ATAD1: variants seen among roughly 807,000 people sequenced by gnomAD.
ATAD1 encodes the protein outer mitochondrial transmembrane helix translocase.
ATAD1 carries 18 observed loss-of-function variants against 42.7 expected under a neutral mutation model. The ratio of observed to expected loss-of-function variants is 0.42; its 90% confidence interval spans 0.29 to 0.63. The LOEUF is 0.63. ATAD1 is among the 20% of genes least tolerant of loss of function. The pLI, the probability that ATAD1 is intolerant of heterozygous loss-of-function variation, is 0.19. For missense variants in ATAD1, 294 were observed against 440.4 expected (o/e 0.67, Z 2.98); for synonymous variants, 132 against 143.1 (o/e 0.92, Z 0.55).
At chr10:87,818,141 A>G in intron 1 of ATAD1, 26 bp downstream of exon 1, 8 of 985,618 alleles carry the variant, frequency 8.1e-6, no homozygotes, top group Non-Finnish European at 8.4e-6. Context: ...CCATCCCATG[A>G]GGCCCCACGG....
At chr10:87,834,934 G>A (rs1857904273) in intron 1 of ATAD1, among the ~76,000 whole-genome samples, 1 of 151,894 alleles carries the variant, frequency 6.6e-6, no homozygotes, top group African/African-American at 2.4e-5. Context: ...TGCTTTAGCT[G>A]AATCCTATTC....
chr10:87,830,514 C>T (rs1281141051), intron 1 of ATAD1, among the ~76,000 whole-genome samples: 4 of 152,146 alleles, frequency 2.6e-5, no homozygotes, highest in Non-Finnish European at 5.9e-5. Flanking sequence ...TTTTTCCCCC[C>T]TGTCTTATGG....
intron 8 of ATAD1, 88 bp from the exon 9 acceptor site, chr10:87,757,010 G>T: frequency 8.5e-7 from 1 of 1,172,980 alleles, no homozygotes; most frequent in South Asian, 2.2e-5. Flanking sequence ...AGAAAGTTAA[G>T]CATATTATAA....
At chr10:87,782,034 C>G (rs1855588049) in intron 5 of ATAD1, among the ~76,000 whole-genome samples, 1 of 151,934 alleles carries the variant, frequency 6.6e-6, no homozygotes, top group Non-Finnish European at 1.5e-5. Flanking sequence ...GAAAGTCACA[C>G]ATCCTCAGAT....
At chr10:87,828,968 C>T (rs1857778066) in intron 1 of ATAD1, among the ~76,000 whole-genome samples, 1 of 152,146 alleles carries the variant, frequency 6.6e-6, no homozygotes. Flanking sequence ...ATAAATGATT[C>T]ATTTCAAGAT....
intron 1 of ATAD1, among the ~76,000 whole-genome samples, chr10:87,833,718 CTTTCTTTCCTTTTT>C (rs1857877567): frequency 8.2e-6 from 1 of 121,498 alleles, no homozygotes; most frequent in Non-Finnish European, 1.7e-5. Context: ...CTCTCTCTTT[CTTTCTTTCCTTTTT>C]TTTTTTTTTT....
intron 1 of ATAD1, among the ~76,000 whole-genome samples, chr10:87,826,348 A>T (rs540820372): frequency 3.9e-5 from 6 of 152,328 alleles, no homozygotes; most frequent in Non-Finnish European, 8.8e-5. Context: ...AATATCAGCA[A>T]TTCTGAAACC....
At chr10:87,828,264 A>G (rs750408769) in intron 1 of ATAD1, among the ~76,000 whole-genome samples, 3 of 152,184 alleles carry the variant, frequency 2.0e-5, no homozygotes, top group African/African-American at 4.8e-5. Flanking sequence ...TGTCTGGCCT[A>G]GAAAAGTTCT....
intron 1 of ATAD1, among the ~76,000 whole-genome samples, chr10:87,834,577 G>A (rs1053505141): frequency 1.3e-5 from 2 of 152,084 alleles, no homozygotes; most frequent in African/African-American, 4.8e-5. Flanking sequence ...TGAGTTGTTC[G>A]TAGTATTTCC....
intron 9 of ATAD1, 66 bp from the exon 10 acceptor site, chr10:87,754,873 A>T: frequency 6.5e-7 from 1 of 1,547,498 alleles, no homozygotes; most frequent in Non-Finnish European, 8.7e-7. Context: ...AAAATATTTT[A>T]CCAAGATTTA....
chr10:87,774,741 A>C (rs1855209565), intron 6 of ATAD1, among the ~76,000 whole-genome samples: 1 of 151,906 alleles, frequency 6.6e-6, no homozygotes, highest in African/African-American at 2.4e-5. Flanking sequence ...GCTTGAGCTC[A>C]GGAGTTCAAG....
intron 7 of ATAD1, among the ~76,000 whole-genome samples, chr10:87,769,789 T>A (rs1854944013): frequency 6.6e-6 from 1 of 151,948 alleles, no homozygotes; most frequent in Non-Finnish European, 1.5e-5. Context: ...CTACTAATAA[T>A]ACAAAAATTA....
At chr10:87,839,154 G>C (rs993742112) in intron 1 of ATAD1, among the ~76,000 whole-genome samples, 2 of 152,092 alleles carry the variant, frequency 1.3e-5, no homozygotes, top group Non-Finnish European at 2.9e-5. Context: ...ATAATTTTGT[G>C]CCATGTAGTT....
chr10:87,836,315 G>C (rs1172886332), intron 1 of ATAD1, among the ~76,000 whole-genome samples: 2 of 152,040 alleles, frequency 1.3e-5, no homozygotes, highest in Non-Finnish European at 2.9e-5. Context: ...GTTACCTTAT[G>C]ATGTCATTTC....
intron 1 of ATAD1, among the ~76,000 whole-genome samples, chr10:87,815,613 T>C (rs941184003): frequency 6.6e-6 from 1 of 152,100 alleles, no homozygotes; most frequent in Middle Eastern, 3.2e-3. Context: ...TTAATATCCA[T>C]GGTCCTTCCA....
At chr10:87,769,888 A>C (rs1453052281) in intron 7 of ATAD1, among the ~76,000 whole-genome samples, 1 of 152,102 alleles carries the variant, frequency 6.6e-6, no homozygotes, top group Non-Finnish European at 1.5e-5. Flanking sequence ...GATTGCAGTG[A>C]GCCAAGATCG....
intron 1 of ATAD1, among the ~76,000 whole-genome samples, chr10:87,816,841 C>T (rs1857439105): frequency 6.6e-6 from 1 of 152,200 alleles, no homozygotes; most frequent in East Asian, 1.9e-4. Context: ...TTAACCTAAT[C>T]TGTGAAAAGC....
Position 87,775,243 on chromosome 10 carries a change from A to C in ATAD1, c.690+1078T>G, listed in dbSNP as rs571744609. ...CAAGACTAGCCTGGCCAACATAGTGAAACCCAGTCTCTACTAAAAATACAA... is the reference window on the plus strand; with the variant it reads ...CAAGACTAGCCTGGCCAACATAGTGCAACCCAGTCTCTACTAAAAATACAA... On this transcript the variant is annotated intron_variant, in intron 6 of 9. Coordinates refer to ENST00000680024, the MANE Select transcript of ATAD1 (RefSeq NM_001321967.2). Among the ~76,000 whole-genome samples the C allele has an allele frequency of 2.6e-5, 4 of 151,814 alleles. No individual in the cohort carries two copies. The East Asian group carries it at 7.8e-4, about 30-fold the overall frequency.
intron 1 of ATAD1, among the ~76,000 whole-genome samples, chr10:87,830,035 C>T (rs1857800225): frequency 6.6e-6 from 1 of 152,068 alleles, no homozygotes; most frequent in South Asian, 2.1e-4. Context: ...TGCCTCTACC[C>T]CCAACCCTCC....
Sources: allele counts gnomAD v4.1 joint callset (sites outside exome capture counted in the v4.1 genomes callset), GRCh38; gene constraint gnomAD v4.1.1; transcripts MANE v1.5; gene names NCBI Gene and HGNC (gene_info 2026-07-23, HGNC 2026-07-21).